ATP13A5: variants seen among roughly 807,000 people sequenced by gnomAD.
The protein encoded by ATP13A5 is probable cation-transporting ATPase 13A5.
Under a neutral mutation model 150.2 loss-of-function variants are expected in ATP13A5, and 149 were observed. The ratio of observed to expected loss-of-function variants is 0.99; its 90% CI spans 0.87 to 1.14. The LOEUF is 1.14. Among genes scored for constraint, ATP13A5 ranks in the 50% most tolerant of loss-of-function variants. The probability of loss-of-function intolerance (pLI) is 0.00; values close to 1 mark genes in which losing one functional copy is unlikely to be tolerated. For synonymous variants in ATP13A5, 497 were observed against 522.2 expected (o/e 0.95, Z 0.66); for missense variants, 1,383 against 1,449.3 (o/e 0.95, Z 0.74).
At chr3:193,346,194 C>G (rs1712329213) in intron 7 of ATP13A5, among the ~76,000 whole-genome samples, 1 of 152,054 alleles carries the variant, frequency 6.6e-6, no homozygotes, top group African/African-American at 2.4e-5. Flanking sequence ...GTACTCAATA[C>G]TATGCTAAGA....
At chr3:193,285,219 A>G in intron 26 of ATP13A5, 103 bp from the exon 27 acceptor site, 1 of 939,686 alleles carries the variant, frequency 1.1e-6, no homozygotes, top group Non-Finnish European at 1.6e-6. Flanking sequence ...TTAGCTTTCA[A>G]ACTATGTCAG....
At position 193,305,588 on chromosome 3, in the gene ATP13A5, G is replaced by T; in HGVS notation, c.2649C>A (p.Thr883=). 6.2e-7 allele frequency: 1 copy of T among 1,613,834 alleles called. No homozygotes were observed. Among genetic ancestry groups the T allele is most frequent in the South Asian group, 1.1e-5 (1 of 91,066 alleles). Residue 883 remains threonine (T), a synonymous_variant, in exon 23 of 30, where the codon ACC becomes ACA. Transcript: ENST00000342358. ...TGAGATGAGGCACACACTGGATGTTGGTTGTTTTAGAGGTAAAAGGGGATG... is the reference window on the plus strand; with the variant it reads ...TGAGATGAGGCACACACTGGATGTTTGTTGTTTTAGAGGTAAAAGGGGATG... ...SVASPFTSKT[T]NIQCVPHLIR... is the part of the protein sequence containing the mutation.
intron 9 of ATP13A5, 77 bp from the exon 10 acceptor site, chr3:193,335,176 A>T: frequency 7.2e-7 from 1 of 1,393,104 alleles, no homozygotes; most frequent in Non-Finnish European, 1.0e-6. Flanking sequence ...AGTTTCAAGA[A>T]ATTATACAAA....
chr3:193,334,886 T>C, intron 10 of ATP13A5, 43 bp downstream of exon 10: 4 of 1,574,266 alleles, frequency 2.5e-6, no homozygotes, highest in Non-Finnish European at 3.5e-6. Context: ...ACTCTCCCCA[T>C]GTTCAAGCAT....
chr3:193,322,307 G>A (rs575519329), intron 15 of ATP13A5, among the ~76,000 whole-genome samples, 184 bp downstream of exon 15: 13 of 152,268 alleles, frequency 8.5e-5, no homozygotes, highest in East Asian at 3.9e-4. Flanking sequence ...ATGCCCTAGC[G>A]TACACAGGTA....
intron 9 of ATP13A5, among the ~76,000 whole-genome samples, chr3:193,338,466 A>C (rs1341467885): frequency 1.3e-5 from 2 of 152,072 alleles, no homozygotes; most frequent in Non-Finnish European, 2.9e-5. Flanking sequence ...TTATGGAAGG[A>C]CTTTTCTGCA....
intron 7 of ATP13A5, among the ~76,000 whole-genome samples, chr3:193,349,512 T>C (rs1378458447): frequency 1.3e-5 from 2 of 152,022 alleles, no homozygotes; most frequent in Admixed American, 1.3e-4. Context: ...ACTCAATATA[T>C]AAATGTTCAT....
intron 17 of ATP13A5, among the ~76,000 whole-genome samples, chr3:193,318,510 C>G (rs1260062753): frequency 6.6e-6 from 1 of 152,132 alleles, no homozygotes; most frequent in Non-Finnish European, 1.5e-5. Context: ...GCCCTTGTTA[C>G]CTTCACAGAT....
chr3:193,320,526 C>T (rs1719223630), intron 16 of ATP13A5, among the ~76,000 whole-genome samples: 1 of 152,306 alleles, frequency 6.6e-6, no homozygotes, highest in Admixed American at 6.5e-5. Flanking sequence ...CAAGAAGATG[C>T]TCAGCTGTAC....
intron 7 of ATP13A5, among the ~76,000 whole-genome samples, chr3:193,345,718 G>A (rs934846621): frequency 2.0e-5 from 3 of 152,134 alleles, no homozygotes; most frequent in Admixed American, 1.3e-4. Context: ...TTAGGTTAAG[G>A]TTGGTCCACA....
At chr3:193,329,593 G>A (rs1203323150) in intron 12 of ATP13A5, among the ~76,000 whole-genome samples, 2 of 152,196 alleles carry the variant, frequency 1.3e-5, no homozygotes, top group Non-Finnish European at 2.9e-5. Context: ...ACTTCCAAGG[G>A]GGTGTTATTT....
intron 5 of ATP13A5, among the ~76,000 whole-genome samples, chr3:193,358,477 T>C (rs1560149077): frequency 1.3e-5 from 2 of 152,162 alleles, no homozygotes; most frequent in South Asian, 2.1e-4. Context: ...AAAACAAGAT[T>C]GGTATATTTT....
chr3:193,299,001 T>TA, intron 25 of ATP13A5, 130 bp downstream of exon 25: 1 of 698,268 alleles, frequency 1.4e-6, no homozygotes, highest in East Asian at 2.9e-5. Flanking sequence ...ATATCACTTT[T>TA]AAAAAATTGT....
intron 25 of ATP13A5, among the ~76,000 whole-genome samples, chr3:193,290,908 G>T (rs1022746397): frequency 1.3e-5 from 2 of 152,116 alleles, no homozygotes; most frequent in African/African-American, 4.8e-5. Context: ...GACTGATATT[G>T]TAGTCATGTT....
chr3:193,302,084 T>A (rs1488285580), intron 23 of ATP13A5, among the ~76,000 whole-genome samples: 1 of 152,174 alleles, frequency 6.6e-6, no homozygotes, highest in Non-Finnish European at 1.5e-5. Flanking sequence ...CAGCTCTCCT[T>A]CAGCCTCCTC....
At chr3:193,281,428 CTCT>C (rs967557724) in intron 27 of ATP13A5, among the ~76,000 whole-genome samples, 3 of 152,180 alleles carry the variant, frequency 2.0e-5, no homozygotes, top group African/African-American at 7.2e-5. Context: ...TGAATGTTGG[CTCT>C]TCTTGGTTAG....
At chr3:193,362,197 T>C (rs961288609) in intron 5 of ATP13A5, among the ~76,000 whole-genome samples, 184 bp downstream of exon 5, 5 of 152,222 alleles carry the variant, frequency 3.3e-5, no homozygotes, top group African/African-American at 1.2e-4. Flanking sequence ...ATTGTTCTTT[T>C]GGTCTTTGTA....
At chr3:193,362,205 G>A (rs1403483563) in intron 5 of ATP13A5, among the ~76,000 whole-genome samples, 176 bp downstream of exon 5, 3 of 152,172 alleles carry the variant, frequency 2.0e-5, no homozygotes, top group African/African-American at 7.2e-5. Context: ...TTTGGTCTTT[G>A]TAAAAATAAG....
At chr3:193,299,534 C>T (rs1718320984) in intron 24 of ATP13A5, among the ~76,000 whole-genome samples, 1 of 152,106 alleles carries the variant, frequency 6.6e-6, no homozygotes, top group African/African-American at 2.4e-5. Flanking sequence ...TGAATGTTCC[C>T]TTAGAAATGT....
Sources: allele counts gnomAD v4.1 joint callset (sites outside exome capture counted in the v4.1 genomes callset), GRCh38; gene constraint gnomAD v4.1.1; transcripts MANE v1.5; gene names NCBI Gene and HGNC (gene_info 2026-07-23, HGNC 2026-07-21).